NAV2: variants seen among roughly 807,000 people sequenced by gnomAD.
NAV2 encodes helicase, APC down-regulated 1.
A neutral mutation model predicts 223.2 loss-of-function variants in NAV2; 54 were observed. The ratio of observed to expected loss-of-function variants is 0.24; its 90% confidence interval spans 0.19 to 0.30. The LOEUF (loss-of-function observed/expected upper bound fraction) is 0.30. Among genes scored for constraint, NAV2 ranks in the 10% least tolerant of loss-of-function variants. The pLI is 1.00. For missense variants in NAV2, 2,806 were observed against 3,147.5 expected (o/e 0.89, Z 2.60); for synonymous variants, 1,279 against 1,239.3 (o/e 1.03, Z -0.67).
chr11:19,417,149 A>G (rs3110089), intron 1 of NAV2, among the ~76,000 whole-genome samples: 106,224 of 151,806 alleles, frequency 0.7, 37,228 homozygotes, highest in Admixed American at 0.73. Context: ...TATCATCAGA[A>G]TGAACAGGCA....
intron 1 of NAV2, among the ~76,000 whole-genome samples, chr11:19,787,708 A>C (rs982014831): frequency 2.0e-5 from 3 of 152,170 alleles, no homozygotes; most frequent in Admixed American, 2.0e-4. Context: ...ACCTCCTCTG[A>C]ATTCAGACCC....
intron 1 of NAV2, among the ~76,000 whole-genome samples, chr11:19,541,182 G>C (rs1279701954): frequency 1.3e-5 from 2 of 152,236 alleles, no homozygotes; most frequent in Admixed American, 6.5e-5. Flanking sequence ...ACTGCTACTG[G>C]AACCAGAAGT....
chr11:19,913,518 G>A (rs1211973683), intron 6 of NAV2, among the ~76,000 whole-genome samples: 1 of 152,202 alleles, frequency 6.6e-6, no homozygotes, highest in African/African-American at 2.4e-5. Context: ...ACAGAGAGAG[G>A]CAGAAATCCT....
At chr11:19,534,723 G>A (rs114452195) in intron 1 of NAV2, among the ~76,000 whole-genome samples, 2,769 of 152,274 alleles carry the variant, frequency 0.018, 49 homozygotes, top group Middle Eastern at 0.034. Flanking sequence ...AGAAAATGAG[G>A]GAGGTGGAGT....
intron 1 of NAV2, among the ~76,000 whole-genome samples, chr11:19,390,555 A>T (rs952309859): frequency 1.3e-5 from 2 of 152,246 alleles, no homozygotes; most frequent in African/African-American, 4.8e-5. Flanking sequence ...ATAAATAAAT[A>T]AATCATAAAG....
intron 1 of NAV2, among the ~76,000 whole-genome samples, chr11:19,793,708 C>A (rs115469419): frequency 0.24 from 35,819 of 151,904 alleles, 4,910 homozygotes; most frequent in East Asian, 0.65. Flanking sequence ...CTTTCCCTGG[C>A]TACTCAAGGA....
chr11:19,543,432 TG>T (rs1242401541), intron 1 of NAV2, among the ~76,000 whole-genome samples: 1 of 152,220 alleles, frequency 6.6e-6, no homozygotes, highest in African/African-American at 2.4e-5. Flanking sequence ...CTGGGCTTTT[TG>T]TGTTTGTTTG....
intron 6 of NAV2, among the ~76,000 whole-genome samples, chr11:19,926,461 A>T (rs528871879): frequency 1.3e-5 from 2 of 152,250 alleles, no homozygotes; most frequent in South Asian, 2.1e-4. Context: ...ACATTGACAC[A>T]GCAGTGCTGC....
intron 5 of NAV2, chr11:19,884,182 G>T (rs180821662): frequency 3.3e-5 from 24 of 726,068 alleles, no homozygotes; most frequent in Non-Finnish European, 5.0e-5. Flanking sequence ...TGGGCAGGGG[G>T]GGAAAGAAAC....
Position 19,460,611 on chromosome 11 carries a change from G to C in NAV2, c.75+109584G>C, listed in dbSNP as rs184809744. ...GGGAATTGAACAATGAGAACACTTG[G>C]ACACAGGGTGGGGAACATCACACAC... On this transcript the variant is annotated intron_variant, in intron 1 of 37. Coordinates refer to the NAV2 transcript ENST00000360655. 2.1e-3 allele frequency among the ~76,000 whole-genome samples: 286 copies of C among 135,616 alleles called. 1 individual carries two copies. Among genetic ancestry groups the C allele is most frequent in the African/African-American group, 7.7e-3 (277 of 36,184 alleles). The allele number at this position is 135,616 out of a possible 152,430, so 89.0% of individuals were successfully genotyped here. A position where few individuals can be genotyped will look rare whatever the true frequency, so the allele number is the denominator to read the frequency against.
chr11:19,649,034 T>C (rs1037366105), intron 1 of NAV2, among the ~76,000 whole-genome samples: 8 of 152,226 alleles, frequency 5.3e-5, no homozygotes, highest in African/African-American at 1.9e-4. Flanking sequence ...TTTTTATCCA[T>C]AGAAATTTGT....
At chr11:19,356,915 G>A (rs1403929607) in intron 1 of NAV2, among the ~76,000 whole-genome samples, 1 of 152,112 alleles carries the variant, frequency 6.6e-6, no homozygotes, top group Non-Finnish European at 1.5e-5. Context: ...GGTTATTTTT[G>A]GTCCTTAAAG....
intron 5 of NAV2, among the ~76,000 whole-genome samples, chr11:19,889,761 G>A (rs2041333911): frequency 6.6e-6 from 1 of 152,126 alleles, no homozygotes; most frequent in Non-Finnish European, 1.5e-5. Flanking sequence ...TCCAGAGAGT[G>A]GAGCCCACAG....
intron 1 of NAV2, among the ~76,000 whole-genome samples, chr11:19,358,071 T>C (rs1013474471): frequency 6.6e-6 from 1 of 152,178 alleles, no homozygotes; most frequent in Admixed American, 6.5e-5. Flanking sequence ...ATCAGATTCT[T>C]CCATGCCTGG....
chr11:19,398,573 C>T (rs747079676), intron 1 of NAV2, among the ~76,000 whole-genome samples: 3 of 152,200 alleles, frequency 2.0e-5, no homozygotes, highest in Non-Finnish European at 2.9e-5. Context: ...CTTGTTGGTC[C>T]GCCAAGCCCC....
intron 7 of NAV2, among the ~76,000 whole-genome samples, chr11:19,934,784 G>C (rs2045695037): frequency 6.6e-6 from 1 of 151,100 alleles, no homozygotes; most frequent in African/African-American, 2.4e-5. Context: ...CTTTCTGAAG[G>C]GAGAGGGACA....
At chr11:20,070,672 AACT>A (rs1180817628) in intron 22 of NAV2, among the ~76,000 whole-genome samples, 3 of 152,266 alleles carry the variant, frequency 2.0e-5, no homozygotes, top group African/African-American at 7.2e-5. Flanking sequence ...TTCTAGGGCA[AACT>A]ACTCAAAACC....
intron 11 of NAV2, among the ~76,000 whole-genome samples, chr11:19,997,722 A>G (rs1452326457): frequency 6.6e-6 from 1 of 152,132 alleles, no homozygotes; most frequent in Non-Finnish European, 1.5e-5. Context: ...AGCCAGTGTT[A>G]TATCAGAGAC....
intron 1 of NAV2, among the ~76,000 whole-genome samples, chr11:19,463,891 G>A (rs1273786707): frequency 1.3e-5 from 2 of 152,100 alleles, no homozygotes; most frequent in Non-Finnish European, 2.9e-5. Context: ...TGGCCATGCT[G>A]AAGTCAGGGG....
Sources: gnomAD v4.1 joint callset for allele counts (sites outside exome capture counted in the v4.1 genomes callset) on GRCh38, gnomAD v4.1.1 for gene constraint, MANE v1.5 for transcripts, NCBI Gene and HGNC (gene_info 2026-07-23, HGNC 2026-07-21) for gene names.